Variants in RNF214 observed in about 807,000 individuals in gnomAD.
The protein encoded by RNF214 is ring finger protein 214.
In RNF214, 25 loss-of-function variants were observed where a neutral mutation model predicts 75.9. The observed-to-expected ratio is 0.33, with a 90% CI of 0.24 to 0.46. RNF214 has a LOEUF of 0.46. Ranked by LOEUF, RNF214 falls within the 20% of genes least tolerant of loss-of-function variation. The pLI is 1.00. For missense variants in RNF214, 725 were observed against 857.5 expected (o/e 0.85, Z 1.93); for synonymous variants, 314 against 308.8 (o/e 1.02, Z -0.18).
intron 2 of RNF214, 118 bp downstream of exon 2, chr11:117,234,497 C>T (rs1200254188): frequency 4.5e-6 from 3 of 665,730 alleles, no homozygotes; most frequent in African/African-American, 1.8e-5. Flanking sequence ...TTTAAAGGTA[C>T]AGGACTGTCT....
chr11:117,248,266 C>T lies in RNF214; in HGVS notation c.959+1318C>T, dbSNP rs536905827. ...AACATTTTTGTATTTTTAGGAGAGA[C>T]GGGGTTTCACCGTGTTAGCCAGGAT... On this transcript the variant is annotated intron_variant, in intron 6 of 14. Coordinates refer to ENST00000300650, the MANE Select transcript of RNF214 (RefSeq NM_207343.4). Among the ~76,000 whole-genome samples the T allele has an allele frequency of 2.0e-4, 30 of 152,070 alleles. 2 individuals carry two copies. The highest frequency in any genetic ancestry group is 6.3e-4 in the African/African-American group (26 of 41,426).
chr11:117,260,256 G>A (rs112374985), intron 6 of RNF214, among the ~76,000 whole-genome samples: 2,865 of 152,238 alleles, frequency 0.019, 98 homozygotes, highest in African/African-American at 0.065. Flanking sequence ...AGCCTCCCAA[G>A]TAGCTGGGAC....
chr11:117,262,376 C>T (rs1415009623), intron 6 of RNF214, among the ~76,000 whole-genome samples: 3 of 152,014 alleles, frequency 2.0e-5, no homozygotes, highest in Non-Finnish European at 4.4e-5. Context: ...CTTGAGCCAC[C>T]GCACCTGGCC....
intron 4 of RNF214, among the ~76,000 whole-genome samples, chr11:117,240,544 CG>C (rs2033048744): frequency 6.6e-6 from 1 of 151,148 alleles, no homozygotes; most frequent in Admixed American, 6.6e-5. Flanking sequence ...AAAAATTAGC[CG>C]GGCGTGGTGG....
At chr11:117,263,150 T>C (rs1304164622) in intron 6 of RNF214, among the ~76,000 whole-genome samples, 2 of 151,850 alleles carry the variant, frequency 1.3e-5, no homozygotes, top group East Asian at 1.9e-4. Flanking sequence ...TTGTTTCTTA[T>C]ATTTTGAAAC....
At chr11:117,247,014 G>GT in intron 6 of RNF214, 66 bp downstream of exon 6, 1 of 1,240,178 alleles carries the variant, frequency 8.1e-7, no homozygotes, top group Non-Finnish European at 1.1e-6. Flanking sequence ...AGACCCGTTT[G>GT]TATTTGTAGT....
intron 6 of RNF214, among the ~76,000 whole-genome samples, chr11:117,269,312 T>C (rs1377890294): frequency 1.3e-5 from 2 of 152,116 alleles, no homozygotes; most frequent in East Asian, 3.9e-4. Flanking sequence ...TCTTTTGAAC[T>C]TTGGGGGAGG....
chr11:117,251,418 C>CGGGTCATTTTA (rs2033384938), intron 6 of RNF214, among the ~76,000 whole-genome samples: 1 of 146,370 alleles, frequency 6.8e-6, no homozygotes, highest in Non-Finnish European at 1.5e-5. Flanking sequence ...GGCGGCTGGC[C>CGGGTCATTTTA]TGGCGGGGGG....
intron 6 of RNF214, among the ~76,000 whole-genome samples, chr11:117,262,218 C>T (rs1268177471): frequency 1.1e-4 from 16 of 151,982 alleles, no homozygotes; most frequent in Non-Finnish European, 1.2e-4. Flanking sequence ...TCCTGAGTAG[C>T]TGGGACTACA....
At chr11:117,274,505 G>C (rs1489383601) in intron 6 of RNF214, among the ~76,000 whole-genome samples, 3 of 151,108 alleles carry the variant, frequency 2.0e-5, no homozygotes, top group Admixed American at 6.6e-5. Flanking sequence ...TGGGATTACA[G>C]GTGCCCACTA....
intron 6 of RNF214, among the ~76,000 whole-genome samples, chr11:117,274,523 C>T (rs182160952): frequency 1.1e-3 from 159 of 151,096 alleles, no homozygotes; most frequent in Non-Finnish European, 3.5e-4. Flanking sequence ...CTACCACACT[C>T]GGCTAATTTT....
Position 117,248,423 on chromosome 11 carries a change from G to A in RNF214, c.959+1475G>A, listed in dbSNP as rs188880374. On this transcript the variant is annotated intron_variant, in intron 6 of 14. Coordinates refer to ENST00000300650, the MANE Select transcript of RNF214 (RefSeq NM_207343.4). ...GACCTGTTTGGAAATCATAATAGCTGTGAATACTCGGTTGATTTTATTTAA... is the reference window on the plus strand; with the variant it reads ...GACCTGTTTGGAAATCATAATAGCTATGAATACTCGGTTGATTTTATTTAA... Among the ~76,000 whole-genome samples the A allele has an allele frequency of 1.3e-3, 204 of 152,258 alleles. 1 individual carries two copies. The highest frequency in any genetic ancestry group is 4.7e-3 in the African/African-American group (197 of 41,538).
intron 6 of RNF214, among the ~76,000 whole-genome samples, chr11:117,254,325 C>T (rs1200870635): frequency 6.6e-6 from 1 of 152,012 alleles, no homozygotes; most frequent in African/African-American, 2.4e-5. Context: ...TAATCCTAGC[C>T]CTTGAATGTA....
chr11:117,281,742 T>A, intron 10 of RNF214, 44 bp downstream of exon 10: 2 of 1,537,582 alleles, frequency 1.3e-6, no homozygotes, highest in Non-Finnish European at 9.0e-7. Flanking sequence ...TCTGTGTTGG[T>A]AGCAGCAGCA....
chr11:117,250,368 A>C (rs887515974), intron 6 of RNF214, among the ~76,000 whole-genome samples: 1 of 152,230 alleles, frequency 6.6e-6, no homozygotes, highest in Non-Finnish European at 1.5e-5. Flanking sequence ...TGTCAGTGTT[A>C]TGTATTTTGG....
chr11:117,283,906 C>T (rs1216217698), intron 14 of RNF214, among the ~76,000 whole-genome samples: 1 of 152,100 alleles, frequency 6.6e-6, no homozygotes, highest in Admixed American at 6.6e-5. Context: ...ATCCTCCTGC[C>T]TCAGCCTCCC....
At chr11:117,238,301 A>G (rs1451541758) in intron 2 of RNF214, among the ~76,000 whole-genome samples, 5 of 152,148 alleles carry the variant, frequency 3.3e-5, no homozygotes, top group Admixed American at 6.6e-5. Flanking sequence ...AGTTACTCAC[A>G]AGTCTGAGGT....
chr11:117,238,644 A>C lies in RNF214; in HGVS notation c.151A>C (p.Ser51Arg), dbSNP rs749309119. ...AQKQKNSPLL[S>R]VSSQTITKEN... ...GAAGCAGAAGAACTCGCCTCTGTTG[A>C]GTGTAAGTAGCCAAACAATAACCAA... is the stretch of plus-strand genomic sequence containing the variant. Residue 51 changes from serine (S) to arginine (R), a missense_variant, in exon 3 of 15, where the codon AGT (serine) becomes CGT (arginine). Physicochemically the swap from Ser to Arg is moderately radical, Grantham distance 110 (BLOSUM62 -1). Coordinates refer to ENST00000300650, the MANE Select transcript of RNF214 (RefSeq NM_207343.4). 1 of 1,614,112 alleles carries C rather than the reference A, an allele frequency of 6.2e-7. No individual in the cohort carries two copies. The highest frequency in any genetic ancestry group is 1.1e-5 in the South Asian group (1 of 91,080).
intron 2 of RNF214, among the ~76,000 whole-genome samples, chr11:117,235,898 G>A (rs1384846225): frequency 6.6e-6 from 1 of 151,984 alleles, no homozygotes; most frequent in Non-Finnish European, 1.5e-5. Context: ...TCAGTCCATG[G>A]TTGGTTGAGT....
Sources: allele counts gnomAD v4.1 joint callset (sites outside exome capture counted in the v4.1 genomes callset), GRCh38; gene constraint gnomAD v4.1.1; transcripts MANE v1.5; gene names NCBI Gene and HGNC (gene_info 2026-07-23, HGNC 2026-07-21).